CCDC102B: variants seen among roughly 807,000 people sequenced by gnomAD.
The protein encoded by CCDC102B is coiled-coil domain containing 102B, also known as coiled-coil domain-containing protein 102B.
In CCDC102B, 75 loss-of-function variants were observed where a neutral mutation model predicts 57.4. The observed-to-expected ratio is 1.31, with a 90% CI of 1.08 to 1.58. The LOEUF (loss-of-function observed/expected upper bound fraction) is 1.58. Among genes scored for constraint, CCDC102B ranks in the 40% most tolerant of loss-of-function variants. The probability of loss-of-function intolerance (pLI) is 0.00; values close to 1 mark genes in which losing one functional copy is unlikely to be tolerated. For synonymous variants in CCDC102B, 206 were observed against 201.9 expected (o/e 1.02, Z -0.17); for missense variants, 636 against 582.6 (o/e 1.09, Z -0.94).
intron 6 of CCDC102B, among the ~76,000 whole-genome samples, chr18:68,951,767 C>T (rs1336035247): frequency 6.6e-6 from 1 of 151,368 alleles, no homozygotes; most frequent in Non-Finnish European, 1.5e-5. Context: ...GAGATTATGC[C>T]ACTACACTCC....
At chr18:68,941,833 G>A (rs966817454) in intron 6 of CCDC102B, among the ~76,000 whole-genome samples, 8 of 151,934 alleles carry the variant, frequency 5.3e-5, no homozygotes, top group Admixed American at 4.6e-4. Context: ...TATTCAATAT[G>A]GTAATTCATA....
chr18:68,924,595 T>C (rs1249021663), intron 6 of CCDC102B, among the ~76,000 whole-genome samples: 1 of 152,094 alleles, frequency 6.6e-6, no homozygotes, highest in Non-Finnish European at 1.5e-5. Flanking sequence ...CAGATTTGGT[T>C]GGATGTATCA....
intron 5 of CCDC102B, among the ~76,000 whole-genome samples, chr18:68,878,578 G>A (rs920897366): frequency 6.6e-6 from 1 of 152,118 alleles, no homozygotes; most frequent in Admixed American, 6.5e-5. Context: ...AGACCCCAGA[G>A]AGTTAGCTCA....
At chr18:68,957,865 C>G (rs2049943170) in intron 6 of CCDC102B, among the ~76,000 whole-genome samples, 1 of 152,004 alleles carries the variant, frequency 6.6e-6, no homozygotes, top group Admixed American at 6.6e-5. Flanking sequence ...TTATATATGA[C>G]TGTTGTAAAT....
chr18:68,920,462 T>C (rs191902880), intron 6 of CCDC102B, among the ~76,000 whole-genome samples: 74 of 152,246 alleles, frequency 4.9e-4, no homozygotes, highest in Middle Eastern at 3.4e-3. Context: ...TAGTCCATTT[T>C]CACACTGCTG....
chr18:68,790,479 G>C (rs944976508), intron 2 of CCDC102B, among the ~76,000 whole-genome samples: 1 of 151,942 alleles, frequency 6.6e-6, no homozygotes, highest in Admixed American at 6.5e-5. Context: ...AGCAATCAGC[G>C]AGACTCCGAG....
At chr18:68,833,921 A>G (rs2037251596) in intron 1 of CCDC102B, among the ~76,000 whole-genome samples, 1 of 152,064 alleles carries the variant, frequency 6.6e-6, no homozygotes, top group Non-Finnish European at 1.5e-5. Context: ...ATATTTTCCC[A>G]CGTATCAGCG....
chr18:68,716,457 T>G (rs1256859720), intron 1 of CCDC102B: 2 of 152,214 alleles, frequency 1.3e-5, no homozygotes, highest in Non-Finnish European at 2.9e-5. Flanking sequence ...ACTAACCACA[T>G]GTGGCTATTG....
intron 2 of CCDC102B, among the ~76,000 whole-genome samples, chr18:68,745,964 T>C (rs1421994732): frequency 6.6e-6 from 1 of 152,184 alleles, no homozygotes; most frequent in East Asian, 1.9e-4. Context: ...GGGTACCATT[T>C]ATTGGGCTTC....
chr18:69,038,160 A>G (rs2052344520), intron 7 of CCDC102B, among the ~76,000 whole-genome samples: 2 of 151,900 alleles, frequency 1.3e-5, no homozygotes, highest in Non-Finnish European at 2.9e-5. Context: ...TAAATTATAC[A>G]TAGTATTGTG....
chr18:68,890,086 A>G (rs528232902), intron 5 of CCDC102B, among the ~76,000 whole-genome samples: 72 of 152,296 alleles, frequency 4.7e-4, no homozygotes, highest in Middle Eastern at 3.4e-3. Context: ...TTCAGTGGAC[A>G]GGGATAGAAC....
chr18:69,036,280 T>C (rs1213923703), intron 7 of CCDC102B, among the ~76,000 whole-genome samples: 1 of 152,094 alleles, frequency 6.6e-6, no homozygotes, highest in East Asian at 1.9e-4. Context: ...TGTCCCCAAA[T>C]TATGAAGACT....
chr18:68,739,399 C>A (rs1472495362), intron 2 of CCDC102B, among the ~76,000 whole-genome samples: 5 of 152,174 alleles, frequency 3.3e-5, no homozygotes, highest in Non-Finnish European at 5.9e-5. Context: ...CTTTTACTCA[C>A]CCCATCCCCT....
chr18:68,779,118 T>C (rs2034921636), intron 2 of CCDC102B, among the ~76,000 whole-genome samples: 1 of 152,038 alleles, frequency 6.6e-6, no homozygotes, highest in Non-Finnish European at 1.5e-5. Context: ...CCAAATACCT[T>C]GCCCTCATCT....
intron 2 of CCDC102B, among the ~76,000 whole-genome samples, chr18:68,744,408 T>C (rs2033532143): frequency 6.6e-6 from 1 of 152,186 alleles, no homozygotes; most frequent in Non-Finnish European, 1.5e-5. Context: ...CTTATGTCTT[T>C]TATCTTGAAT....
intron 6 of CCDC102B, among the ~76,000 whole-genome samples, chr18:68,922,804 A>C (rs1030005279): frequency 6.8e-6 from 1 of 146,208 alleles, no homozygotes; most frequent in Non-Finnish European, 1.5e-5. Flanking sequence ...TAAGGTTCCC[A>C]TTGGGGGAAA....
At chr18:68,850,979 T>C (rs1158241030) in intron 4 of CCDC102B, among the ~76,000 whole-genome samples, 1 of 152,168 alleles carries the variant, frequency 6.6e-6, no homozygotes, top group African/African-American at 2.4e-5. Context: ...TAAAAGACTT[T>C]ATCAAACTGT....
chr18:68,756,715 G>A (rs112829186), intron 2 of CCDC102B, among the ~76,000 whole-genome samples: 7 of 152,276 alleles, frequency 4.6e-5, no homozygotes, highest in African/African-American at 1.7e-4. Flanking sequence ...AAGAGGTATT[G>A]AAGTATTACT....
At chr18:68,752,411 GA>G (rs902629525) in intron 2 of CCDC102B, among the ~76,000 whole-genome samples, 2 of 150,084 alleles carry the variant, frequency 1.3e-5, no homozygotes, top group African/African-American at 4.9e-5. Context: ...GAAGGCCAGG[GA>G]AAGGGGAAGG....
Sources: gnomAD v4.1 joint callset for allele counts (sites outside exome capture counted in the v4.1 genomes callset) on GRCh38, gnomAD v4.1.1 for gene constraint, MANE v1.5 for transcripts, NCBI Gene and HGNC (gene_info 2026-07-23, HGNC 2026-07-21) for gene names.